The following CTNND2 variants were observed in gnomAD, a reference collection of about 807,000 sequenced individuals.
CTNND2 encodes catenin delta-2.
Under a neutral mutation model 144.4 loss-of-function variants are expected in CTNND2, and 22 were observed. The ratio of observed to expected loss-of-function variants is 0.15; its 90% CI spans 0.11 to 0.22. The LOEUF is 0.22. Among genes scored for constraint, CTNND2 ranks in the 10% least tolerant of loss-of-function variants. CTNND2 has a pLI of 1.00. For missense variants in CTNND2, 1,353 were observed against 1,618.8 expected (o/e 0.84, Z 2.82); for synonymous variants, 751 against 695.6 (o/e 1.08, Z -1.25).
intron 12 of CTNND2, among the ~76,000 whole-genome samples, chr5:11,150,614 CTTCTTT>C (rs1757668286): frequency 7.7e-6 from 1 of 129,390 alleles, no homozygotes; most frequent in East Asian, 2.4e-4. Flanking sequence ...GAACTGCTGC[CTTCTTT>C]TTTTTTTTTT....
intron 16 of CTNND2, among the ~76,000 whole-genome samples, chr5:11,040,100 G>T (rs1403319539): frequency 6.6e-6 from 1 of 151,994 alleles, no homozygotes; most frequent in Non-Finnish European, 1.5e-5. Context: ...GAAAAAATTA[G>T]CTGGGCATGG....
At chr5:11,236,618 C>T in intron 10 of CTNND2, 73 bp downstream of exon 10, 8 of 1,477,754 alleles carry the variant, frequency 5.4e-6, no homozygotes, top group South Asian at 2.5e-5. Flanking sequence ...AATTCTTTTC[C>T]CCATCAACAT....
chr5:11,388,782 C>T (rs902091751), intron 6 of CTNND2, among the ~76,000 whole-genome samples: 5 of 152,180 alleles, frequency 3.3e-5, no homozygotes, highest in East Asian at 1.9e-4. Flanking sequence ...CCCATCGTTG[C>T]ATTAGAGATA....
rs572015785 is a variant in CTNND2, at chr5:11,879,758, T to G, written c.37+24059A>C. The stretch of plus-strand genomic sequence containing the variant: ...TATATATGCTATCCAATTCTCAAAG[T>G]ACACAAATTCTCAAAAGTACACAAA... On this transcript the variant is annotated intron_variant, in intron 1 of 21. Coordinates refer to ENST00000304623, the MANE Select transcript of CTNND2 (RefSeq NM_001332.4). Among the ~76,000 whole-genome samples, 3 of 152,272 alleles carry G rather than the reference T, an allele frequency of 2.0e-5. No homozygotes were observed. In the South Asian group the frequency reaches 6.2e-4, roughly 32 times the overall value.
chr5:11,539,748 T>C lies in CTNND2; in HGVS notation c.287+25196A>G, dbSNP rs115147948. On this transcript the variant is annotated intron_variant, in intron 3 of 21. Coordinates refer to ENST00000304623, the MANE Select transcript of CTNND2 (RefSeq NM_001332.4). Reference sequence around the variant, plus strand: ...CACCTGAAACATTTAAAATTACCATTGTGGGCCGGGTGTGATGGCTCATGC... The same window carrying C: ...CACCTGAAACATTTAAAATTACCATCGTGGGCCGGGTGTGATGGCTCATGC... Among the ~76,000 whole-genome samples the C allele has an allele frequency of 3.2e-3, 486 of 152,262 alleles. 4 individuals carry two copies. Among genetic ancestry groups the C allele is most frequent in the African/African-American group, 0.011 (471 of 41,572 alleles).
At chr5:11,874,407 G>C (rs914032085) in intron 1 of CTNND2, among the ~76,000 whole-genome samples, 4 of 152,122 alleles carry the variant, frequency 2.6e-5, no homozygotes, top group South Asian at 2.1e-4. Flanking sequence ...TTTATAGTTA[G>C]GCACAGTGGG....
intron 3 of CTNND2, among the ~76,000 whole-genome samples, chr5:11,452,105 A>T (rs1341674509): frequency 2.6e-5 from 4 of 152,262 alleles, no homozygotes; most frequent in African/African-American, 9.6e-5. Flanking sequence ...ATAATGTCAC[A>T]TGTCTGCACA....
chr5:11,054,573 C>T (rs73045985), intron 16 of CTNND2, among the ~76,000 whole-genome samples: 7,893 of 152,112 alleles, frequency 0.052, 640 homozygotes, highest in African/African-American at 0.18. Context: ...CCCGCCTTCC[C>T]GCCAGTCCCC....
rs1484550465 is a variant in CTNND2, at chr5:11,291,388, C to G, written c.1629-54565G>C. ...TGGATTTTTCTCTGCAGTTTTTCTC[C>G]TATTCATTGGTCCCAAGTTTGATCC... On this transcript the variant is annotated intron_variant, in intron 9 of 21. Transcript: ENST00000304623. 3.3e-5 allele frequency among the ~76,000 whole-genome samples: 5 copies of G among 152,120 alleles called. No homozygotes were observed. The East Asian group carries it at 9.6e-4, about 29-fold the overall frequency.
Position 11,904,225 on chromosome 5 carries a change from G to A in CTNND2, c.-372C>T, listed in dbSNP as rs1393470577. Among the ~76,000 whole-genome samples, 2 of 145,172 alleles carry A rather than the reference G, an allele frequency of 1.4e-5. No individual in the cohort carries two copies. The highest frequency in any genetic ancestry group is 3.1e-5 in the Non-Finnish European group (2 of 65,428). ...CTCCGCTCAGCCGGCTGTCGCCGCG[G>A]GCGCGAGCCTGGGGCCGCCGCGGCG... On this transcript the variant is annotated 5_prime_UTR_variant, in exon 1 of 22. Coordinates refer to ENST00000304623, the MANE Select transcript of CTNND2 (RefSeq NM_001332.4). This position sits in a 1 kb window ranked among gnomAD's most constrained non-coding sequence, Gnocchi z 4.2.
intron 1 of CTNND2, among the ~76,000 whole-genome samples, chr5:11,860,565 T>G (rs918267800): frequency 6.6e-6 from 1 of 152,212 alleles, no homozygotes; most frequent in Admixed American, 6.5e-5. Context: ...TAGGAAAAAT[T>G]TAAAATATAC....
At chr5:10,998,779 C>T (rs1739615712) in intron 18 of CTNND2, among the ~76,000 whole-genome samples, 1 of 152,140 alleles carries the variant, frequency 6.6e-6, no homozygotes, top group South Asian at 2.1e-4. Context: ...ATTTTCATAG[C>T]ACATTGTATT....
intron 1 of CTNND2, among the ~76,000 whole-genome samples, chr5:11,737,228 G>A (rs1032122153): frequency 6.6e-6 from 1 of 152,134 alleles, no homozygotes; most frequent in African/African-American, 2.4e-5. Context: ...TAACCACACG[G>A]ATCTCCATTA....
chr5:11,768,713 T>C (rs1363406020), intron 1 of CTNND2, among the ~76,000 whole-genome samples: 2 of 152,166 alleles, frequency 1.3e-5, no homozygotes, highest in African/African-American at 4.8e-5. Context: ...TGCTCATTGA[T>C]AAAAACTACC....
chr5:11,360,700 G>A (rs1756360789), intron 8 of CTNND2, among the ~76,000 whole-genome samples: 1 of 152,068 alleles, frequency 6.6e-6, no homozygotes, highest in Admixed American at 6.6e-5. Context: ...AATGTCTTCA[G>A]GTTTTTTTTG....
intron 1 of CTNND2, among the ~76,000 whole-genome samples, chr5:11,771,354 C>T (rs1789924660): frequency 6.6e-6 from 1 of 152,002 alleles, no homozygotes; most frequent in African/African-American, 2.4e-5. Context: ...GAACTCCTGA[C>T]CTTGTGATCT....
intron 3 of CTNND2, among the ~76,000 whole-genome samples, chr5:11,480,314 A>C (rs1413302870): frequency 6.6e-6 from 1 of 152,104 alleles, no homozygotes; most frequent in African/African-American, 2.4e-5. Flanking sequence ...TTGAACTTTT[A>C]ATTCACCAAT....
intron 9 of CTNND2, among the ~76,000 whole-genome samples, chr5:11,321,129 A>G (rs913579596): frequency 1.3e-5 from 2 of 152,196 alleles, no homozygotes; most frequent in African/African-American, 4.8e-5. Flanking sequence ...TGAAATGGTA[A>G]TGGATCTACC....
At chr5:11,175,164 T>C (rs1760353091) in intron 11 of CTNND2, among the ~76,000 whole-genome samples, 1 of 152,154 alleles carries the variant, frequency 6.6e-6, no homozygotes, top group Non-Finnish European at 1.5e-5. Context: ...TGGATATATA[T>C]GGTATAAAAT....
Sources: allele counts gnomAD v4.1 joint callset (sites outside exome capture counted in the v4.1 genomes callset), GRCh38; gene constraint gnomAD v4.1.1; non-coding constraint Gnocchi (gnomAD v3.1); transcripts MANE v1.5; gene names NCBI Gene and HGNC (gene_info 2026-07-23, HGNC 2026-07-21).